The following SLAMF9 variants were observed in gnomAD, a reference collection of about 807,000 sequenced individuals.
The protein encoded by SLAMF9 is CD2 family member 10.
Under a neutral mutation model 30.4 loss-of-function variants are expected in SLAMF9, and 25 were observed. The observed-to-expected ratio is 0.82, with a 90% confidence interval of 0.60 to 1.15. SLAMF9 has a LOEUF of 1.15. Ranked by LOEUF, SLAMF9 falls within the 50% of genes most tolerant of loss-of-function variation. The pLI, the probability that SLAMF9 is intolerant of heterozygous loss-of-function variation, is 0.00. For synonymous variants in SLAMF9, 129 were observed against 127.2 expected (o/e 1.01, Z -0.09); for missense variants, 344 against 346.1 (o/e 0.99, Z 0.05).
chr1:159,963,776 T>A, the SLAMF9 span, among the ~76,000 whole-genome samples: 1 of 152,112 alleles, frequency 6.6e-6, no homozygotes. Context: ...AAATGCTTAT[T>A]TGGGCCAGGC....
At chr1:159,955,438 T>A (rs116913385), upstream of SLAMF9, among the ~76,000 whole-genome samples, 1 of 152,372 alleles carries the variant, frequency 6.6e-6, no homozygotes, top group East Asian at 1.9e-4. Context: ...GAGTCTGTGC[T>A]GTGAAGAGTG....
the SLAMF9 span, chr1:159,972,738 G>A: frequency 2.9e-6 from 1 of 343,526 alleles, no homozygotes; most frequent in South Asian, 9.3e-5. Context: ...GTACAGGATT[G>A]GAGGGGAGCC....
chr1:159,961,827 C>T, the SLAMF9 span, among the ~76,000 whole-genome samples: 62 of 151,426 alleles, frequency 4.1e-4, no homozygotes, highest in South Asian at 7.3e-3. Flanking sequence ...TCACTGGGGG[C>T]GTATAGACCT....
upstream of SLAMF9, among the ~76,000 whole-genome samples, chr1:159,956,196 G>T (rs939763876): frequency 1.3e-5 from 2 of 152,278 alleles, no homozygotes; most frequent in South Asian, 4.1e-4. Context: ...CTGGGCAAGG[G>T]AGCTCATGCC....
At chr1:159,980,210 G>C in the SLAMF9 span, among the ~76,000 whole-genome samples, 1 of 152,160 alleles carries the variant, frequency 6.6e-6, no homozygotes, top group Non-Finnish European at 1.5e-5. Flanking sequence ...CTGGGCTGCA[G>C]GCACCTCCCC....
chr1:159,954,236 C>T lies in SLAMF9; in HGVS notation c.-99G>A. On this transcript the variant is annotated 5_prime_UTR_variant, in exon 1 of 4. Coordinates refer to ENST00000368093, the MANE Select transcript of SLAMF9 (RefSeq NM_033438.4). ...AGGCTCCTAGACACAAAGAGCCTGA[C>T]TGATGGTCCTGAGAAAAGGGAAATA... 1.5e-6 allele frequency: 2 copies of T among 1,370,178 alleles called. No individual in the cohort carries two copies. Among genetic ancestry groups the T allele is most frequent in the Non-Finnish European group, 2.0e-6 (2 of 977,790 alleles). The allele number at this position is 1,370,178 out of a possible 1,614,324, so 84.9% of individuals were successfully genotyped here. A position where few individuals can be genotyped will look rare whatever the true frequency, so the allele number is the denominator to read the frequency against.
chr1:159,963,690 T>C, the SLAMF9 span, among the ~76,000 whole-genome samples: 1 of 152,218 alleles, frequency 6.6e-6, no homozygotes, highest in Non-Finnish European at 1.5e-5. Flanking sequence ...GCATGTCCTG[T>C]GACTCCCTGA....
the SLAMF9 span, chr1:159,976,916 GAA>G: frequency 0.021 from 17 of 822 alleles, no homozygotes; most frequent in Non-Finnish European, 0.11. Flanking sequence ...AAGAAAAAAA[GAA>G]AGAAAGAAAG....
the SLAMF9 span, chr1:159,974,107 C>T: frequency 2.1e-4 from 291 of 1,396,680 alleles, 2 homozygotes; most frequent in South Asian, 6.6e-4. Context: ...CTGCAGGTCC[C>T]ATCAGTCACT....
chr1:159,952,174 G>T, intron 3 of SLAMF9, 88 bp downstream of exon 3: 1 of 1,478,880 alleles, frequency 6.8e-7, no homozygotes, highest in Non-Finnish European at 9.3e-7. Flanking sequence ...AATTCCCTGG[G>T]CTCTCTTGGG....
At chr1:159,953,744 A>C (rs2101891402) in intron 1 of SLAMF9, 91 bp from the exon 2 acceptor site, 467 of 1,110,520 alleles carry the variant, frequency 4.2e-4, no homozygotes, top group Middle Eastern at 6.1e-4. Flanking sequence ...GCGTAATCTC[A>C]GCTGGGCAGC....
the SLAMF9 span, among the ~76,000 whole-genome samples, chr1:159,978,139 C>T: frequency 6.6e-6 from 1 of 152,156 alleles, no homozygotes; most frequent in Non-Finnish European, 1.5e-5. Flanking sequence ...GCCATCCTGG[C>T]TTCAGGGTCT....
upstream of SLAMF9, among the ~76,000 whole-genome samples, chr1:159,956,357 C>G (rs1651923041): frequency 6.6e-6 from 1 of 151,958 alleles, no homozygotes; most frequent in Admixed American, 6.6e-5. Flanking sequence ...GTAATCCTTG[C>G]TATATGTGAG....
At chr1:159,970,723 C>T in the SLAMF9 span, among the ~76,000 whole-genome samples, 1 of 152,140 alleles carries the variant, frequency 6.6e-6, no homozygotes, top group East Asian at 1.9e-4. Context: ...GCCAAGTGTA[C>T]AGTCAGAAAG....
chr1:159,954,040 G>T, intron 1 of SLAMF9, 52 bp downstream of exon 1: 1 of 1,610,484 alleles, frequency 6.2e-7, no homozygotes, highest in Non-Finnish European at 8.5e-7. Context: ...GTGGGGCAGG[G>T]GAACAGAGGT....
In SLAMF9 at chr1:159,954,209, G is replaced by C. The variant is rs1651875090; in HGVS notation, c.-72C>G. 6.4e-7 allele frequency: 1 copy of C among 1,571,944 alleles called. No homozygotes were observed. The highest frequency in any genetic ancestry group is 8.7e-7 in the Non-Finnish European group (1 of 1,145,670). The stretch of plus-strand genomic sequence containing the variant: ...CAGGACTGTGCAGAAGACTGCATTA[G>C]GAGGCTCCTAGACACAAAGAGCCTG... On this transcript the variant is annotated 5_prime_UTR_variant, in exon 1 of 4. Transcript: ENST00000368093.
chr1:159,957,868 T>A (rs919385599), upstream of SLAMF9, among the ~76,000 whole-genome samples: 5 of 35,366 alleles, frequency 1.4e-4, no homozygotes, highest in African/African-American at 2.9e-4. Flanking sequence ...GCTTAAAGGG[T>A]GAGAATACCG....
At chr1:159,979,482 T>C in the SLAMF9 span, among the ~76,000 whole-genome samples, 1 of 152,198 alleles carries the variant, frequency 6.6e-6, no homozygotes, top group Non-Finnish European at 1.5e-5. Flanking sequence ...TATGAGCTCA[T>C]GTTGGCAAAT....
chr1:159,956,901 C>A (rs1651932292), upstream of SLAMF9, among the ~76,000 whole-genome samples: 1 of 151,620 alleles, frequency 6.6e-6, no homozygotes, highest in South Asian at 2.1e-4. Flanking sequence ...GGGGGGATCA[C>A]AAGGTCAGGA....
Sources: gnomAD v4.1 joint callset for allele counts (sites outside exome capture counted in the v4.1 genomes callset) on GRCh38, gnomAD v4.1.1 for gene constraint, MANE v1.5 for transcripts, NCBI Gene and HGNC (gene_info 2026-07-23, HGNC 2026-07-21) for gene names.